Variants in ASH1L observed in about 807,000 individuals in gnomAD.
ASH1L encodes ASH1 like histone lysine methyltransferase.
In ASH1L, 23 loss-of-function variants were observed where a neutral mutation model predicts 269.0. The observed-to-expected ratio is 0.09, with a 90% CI of 0.06 to 0.12. The LOEUF (loss-of-function observed/expected upper bound fraction) is 0.12, where lower values mean the gene tolerates loss of function less well. Ranked by LOEUF, ASH1L falls within the 10% of genes least tolerant of loss-of-function variation. ASH1L has a pLI of 1.00. For missense variants in ASH1L, 2,912 were observed against 3,567.8 expected (o/e 0.82, Z 4.68); for synonymous variants, 1,187 against 1,253.5 (o/e 0.95, Z 1.12).
At chr1:155,485,234 C>T (rs1372124709) in intron 2 of ASH1L, among the ~76,000 whole-genome samples, 3 of 140,774 alleles carry the variant, frequency 2.1e-5, no homozygotes, top group Non-Finnish European at 4.5e-5. Flanking sequence ...CCAGCCTGGG[C>T]GAAAGAGCGA....
chr1:155,432,311 AAGTT>A (rs1331952309), intron 5 of ASH1L, among the ~76,000 whole-genome samples: 3 of 152,130 alleles, frequency 2.0e-5, no homozygotes, highest in Non-Finnish European at 4.4e-5. Flanking sequence ...CTGGGAAACT[AAGTT>A]AGTTATTTCT....
chr1:155,537,229 A>C (rs1670118266), intron 1 of ASH1L, among the ~76,000 whole-genome samples: 1 of 152,176 alleles, frequency 6.6e-6, no homozygotes, highest in East Asian at 1.9e-4. Flanking sequence ...AAATATTACA[A>C]TGATTATATC....
chr1:155,405,551 C>T (rs951061350), intron 6 of ASH1L, among the ~76,000 whole-genome samples: 7 of 151,888 alleles, frequency 4.6e-5, no homozygotes, highest in African/African-American at 1.2e-4. Context: ...CAAAATAGGT[C>T]GGGCATGGTC....
At chr1:155,455,300 A>C (rs1189686094) in intron 4 of ASH1L, among the ~76,000 whole-genome samples, 1 of 152,216 alleles carries the variant, frequency 6.6e-6, no homozygotes, top group East Asian at 1.9e-4. Flanking sequence ...GAAAAGGCTT[A>C]GATTGTACTC....
Position 155,344,112 on chromosome 1 carries a change from G to C in ASH1L, c.7981+71C>G, listed in dbSNP as rs116211337. The C allele has an allele frequency of 4.6e-3, 6,101 of 1,326,144 alleles. 207 individuals carry two copies. In the African/African-American group the frequency reaches 0.078, roughly 17 times the overall value. The allele number at this position is 1,326,144 out of a possible 1,614,324, so 82.1% of individuals were successfully genotyped here. ...CCGTATGGAGACAATGACTATGATG[G>C]AGACAGCAGAGACTTCCTACTATTC... On this transcript the variant is annotated intron_variant, in intron 22 of 27. Transcript: ENST00000392403.
chr1:155,515,840 A>T (rs1668465785), intron 2 of ASH1L, among the ~76,000 whole-genome samples: 1 of 151,616 alleles, frequency 6.6e-6, no homozygotes, highest in African/African-American at 2.4e-5. Context: ...CTTAAAAAAA[A>T]AAAAAAAAAA....
chr1:155,521,764 T>C (rs1668902236), intron 1 of ASH1L, 146 bp from the exon 2 acceptor site: 3 of 448,916 alleles, frequency 6.7e-6, no homozygotes, highest in Non-Finnish European at 1.2e-5. Flanking sequence ...AAAATAGATG[T>C]AAATCCATTT....
At chr1:155,461,815 T>TC (rs1664322845) in intron 3 of ASH1L, among the ~76,000 whole-genome samples, 2 of 151,010 alleles carry the variant, frequency 1.3e-5, no homozygotes, top group Admixed American at 6.6e-5. Context: ...TTTTTTTTTT[T>TC]TTTTTGGGAG....
chr1:155,367,416 T>C (rs1405849360), intron 12 of ASH1L, among the ~76,000 whole-genome samples: 3 of 152,242 alleles, frequency 2.0e-5, no homozygotes, highest in Non-Finnish European at 4.4e-5. Flanking sequence ...CTTATGTCTG[T>C]AGAAATTTCC....
In ASH1L at chr1:155,438,402, C is replaced by G; in HGVS notation, c.5753G>C (p.Gly1918Ala). ...TCTGGTCTGTTCTTCCAATAGCCAA[C>G]CTTTTCTCTTCAACCCCTTTTTATG... ...PEHKKGLKRK[G>A]WLLEEQTRKK... The change falls in exon 5 of 28, where the codon GGT becomes GCT. Residue 1918 changes from glycine (G) to alanine (A), a missense_variant. Around this residue, in one of 13 missense-constraint regions of ASH1L, gnomAD observed 789 missense variants for 897.6 expected, o/e 0.88. Coordinates refer to ENST00000392403, the MANE Select transcript of ASH1L (RefSeq NM_018489.3). 6.2e-7 allele frequency: 1 copy of G among 1,610,870 alleles called. No homozygotes were observed.
chr1:155,559,347 C>T (rs923671482), intron 1 of ASH1L, among the ~76,000 whole-genome samples: 1 of 151,896 alleles, frequency 6.6e-6, no homozygotes, highest in Non-Finnish European at 1.5e-5. Context: ...ACCAGCCTGA[C>T]CAACATGGAG....
chr1:155,455,799 T>C (rs544599058), intron 4 of ASH1L, among the ~76,000 whole-genome samples: 36 of 152,292 alleles, frequency 2.4e-4, no homozygotes, highest in Admixed American at 2.1e-3. Flanking sequence ...TTTTTCTGGG[T>C]CTGACAAACA....
intron 2 of ASH1L, among the ~76,000 whole-genome samples, chr1:155,515,064 A>G (rs1668406118): frequency 6.6e-6 from 1 of 152,198 alleles, no homozygotes; most frequent in South Asian, 2.1e-4. Context: ...GTCTGCTGCC[A>G]GTCTGATCCA....
chr1:155,411,578 AATAAATAAATATATATATATATAT>A lies in ASH1L; in HGVS notation c.6008+4142_6008+4165del, dbSNP rs1238101618. ...ATAAATATAAATATGAATATAAATA[AATAAATAAATATATATATATATAT>A]ATATATATATATATATGTTTTCATC... On this transcript the variant is annotated intron_variant, in intron 6 of 27. Transcript: ENST00000392403. Among the ~76,000 whole-genome samples the A allele has an allele frequency of 7.1e-4, 15 of 21,126 alleles. 1 individual carries two copies. The highest frequency in any genetic ancestry group is 1.9e-3 in the East Asian group (1 of 536). The allele number at this position is 21,126 out of a possible 152,430, so 13.9% of individuals were successfully genotyped here.
chr1:155,373,396 T>C (rs1403330423), intron 10 of ASH1L, among the ~76,000 whole-genome samples: 1 of 151,500 alleles, frequency 6.6e-6, no homozygotes, highest in East Asian at 1.9e-4. Context: ...CAAGCAATTC[T>C]CCCACCTCAG....
At chr1:155,463,290 G>C (rs919942208) in intron 3 of ASH1L, among the ~76,000 whole-genome samples, 1 of 151,806 alleles carries the variant, frequency 6.6e-6, no homozygotes, top group African/African-American at 2.4e-5. Context: ...AGCATCCTTG[G>C]GTTTGACTCC....
At chr1:155,433,626 T>C (rs763668298) in intron 5 of ASH1L, 8 of 1,608,824 alleles carry the variant, frequency 5.0e-6, no homozygotes, top group South Asian at 1.1e-5. Context: ...CTCGAACAAT[T>C]TGCCAAGCTC....
chr1:155,548,593 G>A (rs1254836896), intron 1 of ASH1L, among the ~76,000 whole-genome samples: 1 of 152,152 alleles, frequency 6.6e-6, no homozygotes, highest in Non-Finnish European at 1.5e-5. Context: ...ATCTTGACTA[G>A]TTAGTACTTG....
In ASH1L at chr1:155,434,139, T is replaced by C. The variant is rs556829507; in HGVS notation, c.5828+4188A>G. 7.5e-6 allele frequency: 12 copies of C among 1,594,678 alleles called. No individual in the cohort carries two copies. The East Asian group carries it at 2.7e-4, about 36-fold the overall frequency. On this transcript the variant is annotated intron_variant, in intron 5 of 27. Transcript: ENST00000392403. ...TTTCCTCTGGCCCCAGGGCCCCATTTTGGTACCCCAGGCTATGGGAGCCCT... is the reference window on the plus strand; with the variant it reads ...TTTCCTCTGGCCCCAGGGCCCCATTCTGGTACCCCAGGCTATGGGAGCCCT...
Sources: allele counts gnomAD v4.1 joint callset (sites outside exome capture counted in the v4.1 genomes callset), GRCh38; gene constraint gnomAD v4.1.1; regional missense constraint gnomAD v4.1.1; transcripts MANE v1.5; gene names NCBI Gene and HGNC (gene_info 2026-07-23, HGNC 2026-07-21).